RGS18: variants seen among roughly 807,000 people sequenced by gnomAD.
RGS18 encodes regulator of G protein signaling 18.
RGS18 carries 22 observed loss-of-function variants against 27.6 expected under a neutral mutation model. That is an observed-to-expected ratio of 0.80 (90% CI 0.57 to 1.14). The LOEUF (loss-of-function observed/expected upper bound fraction) is 1.14. Among genes scored for constraint, RGS18 ranks in the 50% most tolerant of loss-of-function variants. The pLI is 0.00. For synonymous variants in RGS18, 89 were observed against 84.6 expected, an observed-to-expected ratio of 1.05 and a Z score of -0.29; for missense variants, 299 against 269.6, an observed-to-expected ratio of 1.11 and a Z score of -0.76.
At position 192,158,616 on chromosome 1, in the gene RGS18, A is replaced by T. The variant is rs1482029710; in HGVS notation, c.-22A>T. On this transcript the variant is annotated 5_prime_UTR_variant, in exon 1 of 5. Coordinates refer to ENST00000367460, the MANE Select transcript of RGS18 (RefSeq NM_130782.3). ...TAGGGAAGGATGTAATAAATTAGAC[A>T]TCTCTTCATTTTAGAGAGAAGATGG... 6.6e-7 allele frequency: 1 copy of T among 1,521,140 alleles called. No individual in the cohort carries two copies. Among genetic ancestry groups the T allele is most frequent in the Admixed American group, 2.3e-5 (1 of 42,612 alleles). 94.2% of individuals were successfully genotyped at this position (1,521,140 alleles called of 1,614,324 possible).
Position 192,178,429 on chromosome 1 carries a change from T to C in RGS18, c.284-2863T>C, listed in dbSNP as rs1044030843. Among the ~76,000 whole-genome samples, 190 of 151,336 alleles carry C rather than the reference T, an allele frequency of 1.3e-3. 1 individual carries two copies. Among genetic ancestry groups the C allele is most frequent in the Non-Finnish European group, 2.1e-3 (139 of 67,646 alleles). On this transcript the variant is annotated intron_variant, in intron 3 of 4. Coordinates refer to ENST00000367460, the MANE Select transcript of RGS18 (RefSeq NM_130782.3). ...TTGAAGTAATTTTTCAGGAAATGAG[T>C]TTAAGGGAAAGATGAAGAAGGATAA...
At chr1:192,174,863 T>C (rs1011052852) in intron 3 of RGS18, among the ~76,000 whole-genome samples, 2 of 151,874 alleles carry the variant, frequency 1.3e-5, no homozygotes, top group African/African-American at 4.8e-5. Flanking sequence ...TGACTTTTAA[T>C]TGGAATGTTT....
chr1:192,182,651 G>T (rs1019535909), intron 4 of RGS18, among the ~76,000 whole-genome samples: 5 of 151,392 alleles, frequency 3.3e-5, no homozygotes, highest in Admixed American at 2.6e-4. Context: ...TATCACAGAA[G>T]GAAAAGTACA....
rs181331412 is a variant in RGS18 at position 192,184,935 on chromosome 1, T to C, written c.*381T>C. The C allele has an allele frequency of 2.6e-3, 512 of 195,432 alleles. 1 individual carries two copies. The highest frequency in any genetic ancestry group is 4.3e-3 in the Non-Finnish European group (409 of 94,328). The allele number at this position is 195,432 out of a possible 1,614,324, so 12.1% of individuals were successfully genotyped here. ...CCAAAGCAGCATAATATGTGTTATA[T>C]AAACATAATAATACTCAGATATCCA... On this transcript the variant is annotated 3_prime_UTR_variant, in exon 5 of 5. Transcript: ENST00000367460.
At chr1:192,181,866 A>C (rs1157699656) in intron 4 of RGS18, among the ~76,000 whole-genome samples, 4 of 151,552 alleles carry the variant, frequency 2.6e-5, no homozygotes, top group African/African-American at 9.7e-5. Context: ...TACCTTACCT[A>C]GCCCTTGGTA....
chr1:192,175,212 T>A (rs1321917905), intron 3 of RGS18, among the ~76,000 whole-genome samples: 1 of 151,914 alleles, frequency 6.6e-6, no homozygotes, highest in Non-Finnish European at 1.5e-5. Context: ...TGAGCTTTTT[T>A]AAAGTTTTTG....
intron 3 of RGS18, among the ~76,000 whole-genome samples, chr1:192,175,151 A>C (rs1656335960): frequency 6.6e-6 from 1 of 151,796 alleles, no homozygotes; most frequent in Admixed American, 6.6e-5. Flanking sequence ...TTCATAGTTT[A>C]AATTTTGTCT....
rs761038945 is a variant in RGS18 at position 192,184,551 on chromosome 1, A to C, written c.705A>C (p.Leu235Phe). ...QDVQSDVAIW[L>F] is the part of the protein sequence containing the mutation. ...TACAATCAGATGTTGCCATTTGGTT[A>C]TAAAGAAAATTGATTTTGCTCATTT... The change falls in exon 5 of 5, where the codon TTA (leucine) becomes TTC (phenylalanine). Residue 235 changes from leucine to phenylalanine, a missense_variant. By Grantham distance (22) the Leu-to-Phe change is conservative. Transcript: ENST00000367460. 2 of 1,609,350 alleles carry C rather than the reference A, an allele frequency of 1.2e-6. No homozygotes were observed. Among genetic ancestry groups the C allele is most frequent in the Non-Finnish European group, 1.7e-6 (2 of 1,176,948 alleles).
At chr1:192,170,728 C>T (rs775561644) in intron 3 of RGS18, among the ~76,000 whole-genome samples, 1 of 151,470 alleles carries the variant, frequency 6.6e-6, no homozygotes, top group Non-Finnish European at 1.5e-5. Context: ...CCTCCAGTTA[C>T]ATAATGGAAA....
intron 3 of RGS18, among the ~76,000 whole-genome samples, chr1:192,164,004 A>G (rs1179825861): frequency 6.6e-6 from 1 of 151,976 alleles, no homozygotes; most frequent in Non-Finnish European, 1.5e-5. Context: ...CAAATTCTGT[A>G]TGTTATGTCA....
chr1:192,175,566 T>C lies in RGS18; in HGVS notation c.284-5726T>C, dbSNP rs138280814. Among the ~76,000 whole-genome samples, 4 of 152,048 alleles carry C rather than the reference T, an allele frequency of 2.6e-5. No homozygotes were observed. In the East Asian group the frequency reaches 7.8e-4, roughly 30 times the overall value. On this transcript the variant is annotated intron_variant, in intron 3 of 4. Transcript: ENST00000367460. ...GTGTTTATACCAGAAACACGAACTT[T>C]CTTTGGTATCTCTTCTACGGCTGAG...
chr1:192,158,592 AG>A lies in RGS18; in HGVS notation c.-43del. ...ATGGAATAGTATTAATAAATGAACT[AG>A]GGAAGGATGTAATAAATTAGACATC... is the stretch of plus-strand genomic sequence containing the variant. On this transcript the variant is annotated 5_prime_UTR_variant, in exon 1 of 5. An upstream open reading frame in the 5' UTR gains an earlier in-frame stop. Coordinates refer to ENST00000367460, the MANE Select transcript of RGS18 (RefSeq NM_130782.3). The A allele has an allele frequency of 6.8e-7, 1 of 1,471,548 alleles. No individual in the cohort carries two copies. The allele number at this position is 1,471,548 out of a possible 1,614,324, so 91.2% of individuals were successfully genotyped here.
In RGS18 at chr1:192,163,411, C is replaced by T. The variant is rs1436701869; in HGVS notation, c.283+2972C>T. ...TCATACTTTCATTACTCATTCAAAGCATAGAAAGATTTAGCAGGATGATTA... is the reference window on the plus strand; with the variant it reads ...TCATACTTTCATTACTCATTCAAAGTATAGAAAGATTTAGCAGGATGATTA... On this transcript the variant is annotated intron_variant, in intron 3 of 4. Coordinates refer to ENST00000367460, the MANE Select transcript of RGS18 (RefSeq NM_130782.3). 3.3e-5 allele frequency: 5 copies of T among 152,208 alleles called. No homozygotes were observed. In the East Asian group the frequency reaches 9.6e-4, roughly 29 times the overall value. 9.4% of individuals were successfully genotyped at this position (152,208 alleles called of 1,614,324 possible).
intron 4 of RGS18, 33 bp from the exon 5 acceptor site, chr1:192,184,264 A>G (rs371572604): frequency 1.9e-6 from 3 of 1,587,302 alleles, no homozygotes; most frequent in Non-Finnish European, 1.7e-6. Flanking sequence ...TAAGCATATT[A>G]ACTATAATCA....
rs1421670873 is a variant in RGS18 at position 192,158,695 on chromosome 1, A to G, written c.58A>G (p.Thr20Ala). Reference protein sequence around the residue: ...QINMCESKEKTFFKLIHGSGK... With the variant: ...QINMCESKEKAFFKLIHGSGK... ...AAATATGTGTGAATCAAAAGAAAAA[A>G]CTTTTTTCAAGTTAATACATGGTTC... Residue 20 changes from threonine to alanine, a missense_variant, in exon 1 of 5, where the codon ACT (threonine) becomes GCT (alanine). Transcript: ENST00000367460. 2.5e-6 allele frequency: 4 copies of G among 1,583,364 alleles called. No individual in the cohort carries two copies. Among genetic ancestry groups the G allele is most frequent in the Non-Finnish European group, 3.4e-6 (4 of 1,170,020 alleles).
chr1:192,174,440 G>A (rs963875979), intron 3 of RGS18, among the ~76,000 whole-genome samples: 18 of 151,706 alleles, frequency 1.2e-4, no homozygotes, highest in African/African-American at 3.6e-4. Flanking sequence ...CAATTCAGTC[G>A]AATTAATGAT....
intron 3 of RGS18, among the ~76,000 whole-genome samples, chr1:192,170,424 CTCT>C (rs1656235218): frequency 6.6e-6 from 1 of 152,000 alleles, no homozygotes; most frequent in African/African-American, 2.4e-5. Flanking sequence ...TTCTCACTGC[CTCT>C]TATCTTGTGA....
chr1:192,174,111 A>C (rs1297353904), intron 3 of RGS18, among the ~76,000 whole-genome samples: 1 of 151,220 alleles, frequency 6.6e-6, no homozygotes. Flanking sequence ...CTGTACTTTC[A>C]CTATAATTCA....
chr1:192,168,455 C>A (rs1431763874), intron 3 of RGS18: 1 of 152,154 alleles, frequency 6.6e-6, no homozygotes, highest in East Asian at 1.9e-4. Flanking sequence ...AGTACGCTGA[C>A]TTCACTTTGA....
Sources: gnomAD v4.1 joint callset for allele counts (sites outside exome capture counted in the v4.1 genomes callset) on GRCh38, gnomAD v4.1.1 for gene constraint, MANE v1.5 for transcripts, NCBI Gene and HGNC (gene_info 2026-07-23, HGNC 2026-07-21) for gene names.